The following CCDC148 variants were observed in gnomAD, a reference collection of about 807,000 sequenced individuals.
CCDC148 encodes coiled-coil domain-containing protein 148.
Under a neutral mutation model 85.7 loss-of-function variants are expected in CCDC148, and 89 were observed. That is an observed-to-expected ratio of 1.04 (90% CI 0.87 to 1.24). The LOEUF (loss-of-function observed/expected upper bound fraction) is 1.24. CCDC148 is among the 50% of genes most tolerant of loss of function. The probability of loss-of-function intolerance (pLI) is 0.00; values close to 1 mark genes in which losing one functional copy is unlikely to be tolerated. For missense variants in CCDC148, 692 were observed against 671.7 expected (o/e 1.03, Z -0.33); for synonymous variants, 230 against 213.9 (o/e 1.08, Z -0.66).
intron 10 of CCDC148, among the ~76,000 whole-genome samples, chr2:158,231,317 A>C (rs958112886): frequency 1.3e-5 from 2 of 152,170 alleles, no homozygotes; most frequent in African/African-American, 4.8e-5. Context: ...TTAAGATGAG[A>C]ACAAATGCCA....
At chr2:158,442,220 G>A (rs1017713552) in intron 1 of CCDC148, among the ~76,000 whole-genome samples, 3 of 152,114 alleles carry the variant, frequency 2.0e-5, no homozygotes, top group African/African-American at 4.8e-5. Context: ...TCTATTTTGC[G>A]GTTTGAAAGA....
At chr2:158,297,977 AG>A (rs1691268081) in intron 9 of CCDC148, among the ~76,000 whole-genome samples, 1 of 152,250 alleles carries the variant, frequency 6.6e-6, no homozygotes, top group Admixed American at 6.5e-5. Context: ...TAAAGGAAAA[AG>A]GTTTAATTGA....
intron 9 of CCDC148, among the ~76,000 whole-genome samples, chr2:158,282,240 C>G (rs1170288862): frequency 1.3e-5 from 2 of 152,122 alleles, no homozygotes; most frequent in Non-Finnish European, 2.9e-5. Context: ...CCCTCTCTCA[C>G]CACTCCTATT....
At chr2:158,364,233 G>T (rs572142489) in intron 1 of CCDC148, among the ~76,000 whole-genome samples, 1 of 152,278 alleles carries the variant, frequency 6.6e-6, no homozygotes, top group African/African-American at 2.4e-5. Flanking sequence ...TGGCCATACT[G>T]CCCAAAGTAA....
chr2:158,426,499 G>T (rs1189537406), intron 1 of CCDC148, among the ~76,000 whole-genome samples: 1 of 152,126 alleles, frequency 6.6e-6, no homozygotes, highest in Non-Finnish European at 1.5e-5. Flanking sequence ...TGATCCAAGT[G>T]TTCCTGACTC....
chr2:158,275,469 T>A (rs1254343098), intron 9 of CCDC148, among the ~76,000 whole-genome samples: 2 of 152,214 alleles, frequency 1.3e-5, no homozygotes, highest in Non-Finnish European at 2.9e-5. Flanking sequence ...AGGTAATAAT[T>A]AGGTTTTTCC....
At chr2:158,241,891 A>G (rs1427727159) in intron 10 of CCDC148, among the ~76,000 whole-genome samples, 1 of 152,234 alleles carries the variant, frequency 6.6e-6, no homozygotes, top group Non-Finnish European at 1.5e-5. Flanking sequence ...CAATAAGGTC[A>G]GCAAGTCATG....
At chr2:158,436,416 C>A (rs565792346) in intron 1 of CCDC148, among the ~76,000 whole-genome samples, 53 of 152,284 alleles carry the variant, frequency 3.5e-4, no homozygotes, top group Admixed American at 7.8e-4. Context: ...TAAAGATGTT[C>A]TTTGAAACCA....
chr2:158,341,907 A>AT (rs982605555), intron 3 of CCDC148, among the ~76,000 whole-genome samples: 9,082 of 117,510 alleles, frequency 0.077, 355 homozygotes, highest in Non-Finnish European at 0.096. Flanking sequence ...ATGTTGTGGG[A>AT]TTTTTTTTTT....
intron 10 of CCDC148, among the ~76,000 whole-genome samples, chr2:158,229,727 C>T (rs900147563): frequency 2.0e-5 from 3 of 152,188 alleles, no homozygotes; most frequent in South Asian, 4.1e-4. Flanking sequence ...CCACCTTCTT[C>T]GTAGCCTCCC....
At chr2:158,239,055 C>A (rs1308863542) in intron 10 of CCDC148, among the ~76,000 whole-genome samples, 1 of 152,050 alleles carries the variant, frequency 6.6e-6, no homozygotes, top group East Asian at 1.9e-4. Context: ...AAGTATCTAC[C>A]CCTTAGGGCT....
At chr2:158,212,694 T>C (rs1051026683) in intron 11 of CCDC148, among the ~76,000 whole-genome samples, 1 of 152,238 alleles carries the variant, frequency 6.6e-6, no homozygotes, top group Non-Finnish European at 1.5e-5. Flanking sequence ...TTTTGTTTTT[T>C]GTACTGTGGA....
At chr2:158,215,811 G>A (rs1686820787) in intron 11 of CCDC148, among the ~76,000 whole-genome samples, 1 of 152,140 alleles carries the variant, frequency 6.6e-6, no homozygotes, top group South Asian at 2.1e-4. Flanking sequence ...CCCGCAATGT[G>A]ATGGTATTTG....
intron 10 of CCDC148, among the ~76,000 whole-genome samples, chr2:158,247,915 ATTTTAC>A (rs1688634837): frequency 6.6e-6 from 1 of 152,064 alleles, no homozygotes; most frequent in African/African-American, 2.4e-5. Context: ...TTATATTTTT[ATTTTAC>A]TTTAAGTTCT....
At chr2:158,327,936 C>T (rs1015425942) in intron 7 of CCDC148, among the ~76,000 whole-genome samples, 1 of 151,830 alleles carries the variant, frequency 6.6e-6, no homozygotes, top group Non-Finnish European at 1.5e-5. Context: ...ATGAGATCTT[C>T]TAGATGGCCA....
chr2:158,280,971 A>T (rs987306541), intron 9 of CCDC148, among the ~76,000 whole-genome samples: 4 of 152,174 alleles, frequency 2.6e-5, no homozygotes, highest in East Asian at 1.9e-4. Context: ...GGATTAAGGA[A>T]CTCACTCAAA....
chr2:158,325,352 A>T (rs1692720050), intron 7 of CCDC148, among the ~76,000 whole-genome samples: 1 of 152,136 alleles, frequency 6.6e-6, no homozygotes, highest in African/African-American at 2.4e-5. Flanking sequence ...CAATGGACTG[A>T]CCACTTCCTC....
chr2:158,346,226 C>G (rs1321803113), intron 2 of CCDC148, among the ~76,000 whole-genome samples: 1 of 152,124 alleles, frequency 6.6e-6, no homozygotes. Context: ...TTGGCTTCAG[C>G]CAAAGCAAGA....
At chr2:158,252,383 T>C (rs994728751) in intron 9 of CCDC148, among the ~76,000 whole-genome samples, 2 of 151,644 alleles carry the variant, frequency 1.3e-5, no homozygotes, top group Non-Finnish European at 3.0e-5. Context: ...ACCCCATTCC[T>C]AGAATAGATC....
Sources: allele counts gnomAD v4.1 joint callset (sites outside exome capture counted in the v4.1 genomes callset), GRCh38; gene constraint gnomAD v4.1.1; transcripts MANE v1.5; gene names NCBI Gene and HGNC (gene_info 2026-07-23, HGNC 2026-07-21).